The following LYN variants were observed in gnomAD, a reference collection of about 807,000 sequenced individuals.
LYN encodes tyrosine-protein kinase Lyn.
In LYN, 12 loss-of-function variants were observed where a neutral mutation model predicts 65.0. That is an observed-to-expected ratio of 0.18 (90% CI 0.12 to 0.30). The LOEUF is 0.30. Ranked by LOEUF, LYN falls within the 10% of genes least tolerant of loss-of-function variation. LYN has a pLI of 1.00. For synonymous variants in LYN, 222 were observed against 221.2 expected (o/e 1.00, Z -0.03); for missense variants, 380 against 623.2 (o/e 0.61, Z 4.16).
At chr8:55,991,313 TTCTC>T (rs1273438132) in intron 10 of LYN, among the ~76,000 whole-genome samples, 1 of 152,210 alleles carries the variant, frequency 6.6e-6, no homozygotes, top group Non-Finnish European at 1.5e-5. Context: ...AAGACCTTAC[TTCTC>T]TCTTTCTCTG....
intron 12 of LYN, among the ~76,000 whole-genome samples, chr8:56,008,876 T>G (rs1352925251): frequency 6.6e-6 from 1 of 152,148 alleles, no homozygotes; most frequent in Non-Finnish European, 1.5e-5. Flanking sequence ...GGTTCAGTTT[T>G]CCTCCTCAAT....
intron 1 of LYN, among the ~76,000 whole-genome samples, chr8:55,899,166 A>C (rs1324862969): frequency 6.6e-6 from 1 of 152,216 alleles, no homozygotes; most frequent in African/African-American, 2.4e-5. Context: ...TACCTTTCAC[A>C]GAAAATATAG....
chr8:55,912,411 T>G (rs902522304), intron 1 of LYN, among the ~76,000 whole-genome samples: 1 of 152,108 alleles, frequency 6.6e-6, no homozygotes, highest in Non-Finnish European at 1.5e-5. Flanking sequence ...GCTTAAGTAG[T>G]TTTTGAAATT....
At chr8:55,987,134 C>CA in intron 10 of LYN, among the ~76,000 whole-genome samples, 1 of 152,048 alleles carries the variant, frequency 6.6e-6, no homozygotes, top group Non-Finnish European at 1.5e-5. Context: ...CTTTTCTTGC[C>CA]AGGCGCTGTG....
chr8:55,927,339 C>G (rs1348150839), intron 1 of LYN, among the ~76,000 whole-genome samples: 6 of 152,146 alleles, frequency 3.9e-5, no homozygotes, highest in Non-Finnish European at 7.3e-5. Flanking sequence ...TGGAATCACA[C>G]AGTATGTAGC....
intron 1 of LYN, among the ~76,000 whole-genome samples, chr8:55,881,774 T>C (rs1267368043): frequency 6.6e-6 from 1 of 152,194 alleles, no homozygotes; most frequent in African/African-American, 2.4e-5. Context: ...CAGAGTTATA[T>C]TGATTTGTCT....
intron 1 of LYN, among the ~76,000 whole-genome samples, chr8:55,938,214 A>C (rs1488218196): frequency 6.6e-6 from 1 of 152,218 alleles, no homozygotes; most frequent in Non-Finnish European, 1.5e-5. Context: ...TTTGTAATCA[A>C]AAGGCTGCCT....
At chr8:55,945,943 C>T (rs1207567525) in intron 2 of LYN, among the ~76,000 whole-genome samples, 1 of 152,252 alleles carries the variant, frequency 6.6e-6, no homozygotes, top group Non-Finnish European at 1.5e-5. Context: ...CTTCCGTCTC[C>T]ATCCTGCTGC....
intron 1 of LYN, among the ~76,000 whole-genome samples, chr8:55,936,693 C>T (rs563977584): frequency 6.6e-6 from 1 of 152,240 alleles, no homozygotes; most frequent in Non-Finnish European, 1.5e-5. Context: ...GGAATAGATT[C>T]TAGGTTCTAC....
chr8:55,953,835 A>T lies in LYN; in HGVS notation c.641A>T (p.Gln214Leu). Residue 214 changes from glutamine (Q) to leucine (L), a missense_variant, in exon 8 of 13, where the codon CAG (glutamine) becomes CTG (leucine). By Grantham distance (113) the Gln-to-Leu change is moderately radical. Transcript: ENST00000519728. The part of the protein sequence containing the change: ...ISDMIKHYQK[Q>L]ADGLCRRLEK... Reference sequence around the variant, plus strand: ...TCATTTTTCCCTTTCAAATTAGAGCAGGCAGATGGCTTGTGCAGAAGATTG... The same window carrying T: ...TCATTTTTCCCTTTCAAATTAGAGCTGGCAGATGGCTTGTGCAGAAGATTG... The T allele has an allele frequency of 6.2e-7, 1 of 1,613,366 alleles. No homozygotes were observed. The highest frequency in any genetic ancestry group is 8.5e-7 in the Non-Finnish European group (1 of 1,179,776).
chr8:55,988,723 G>A (rs1472848260), intron 10 of LYN, among the ~76,000 whole-genome samples: 2 of 152,044 alleles, frequency 1.3e-5, no homozygotes, highest in Non-Finnish European at 2.9e-5. Flanking sequence ...TCTAAGACAG[G>A]TTGCGTTTTC....
intron 1 of LYN, among the ~76,000 whole-genome samples, chr8:55,933,508 T>C (rs1806328257): frequency 6.6e-6 from 1 of 152,372 alleles, no homozygotes; most frequent in African/African-American, 2.4e-5. Context: ...TTAAGAAGTG[T>C]GTACATTCTA....
rs748963497 is a variant in LYN, at chr8:55,999,592, G to A, written c.1336+43G>A. 6.3e-6 allele frequency: 10 copies of A among 1,591,540 alleles called. No individual in the cohort carries two copies. The South Asian group carries it at 1.0e-4, about 16-fold the overall frequency. On this transcript the variant is annotated intron_variant, in intron 12 of 12. Coordinates refer to ENST00000519728, the MANE Select transcript of LYN (RefSeq NM_002350.4). The stretch of plus-strand genomic sequence containing the variant: ...ATTTACAATCAAGCTGTATAAATGA[G>A]AAAAAGTCAGGTTGCATGAAGGCAT...
chr8:55,960,442 G>T (rs1807240843), intron 8 of LYN, among the ~76,000 whole-genome samples: 1 of 152,194 alleles, frequency 6.6e-6, no homozygotes, highest in South Asian at 2.1e-4. Flanking sequence ...TCTTTTGCTT[G>T]TAGGGACTGA....
chr8:55,957,712 G>A (rs1009212605), intron 8 of LYN, among the ~76,000 whole-genome samples: 5 of 152,194 alleles, frequency 3.3e-5, no homozygotes, highest in Non-Finnish European at 5.9e-5. Context: ...GGAGGCCGAG[G>A]CAGGTAGATC....
intron 9 of LYN, 80 bp from the exon 10 acceptor site, chr8:55,969,637 T>C: frequency 2.0e-6 from 2 of 1,022,006 alleles, no homozygotes; most frequent in Non-Finnish European, 3.1e-6. Context: ...TCCCCTGTAA[T>C]AGTAATGATG....
intron 10 of LYN, among the ~76,000 whole-genome samples, chr8:55,979,294 G>C (rs976561914): frequency 1.3e-5 from 2 of 151,952 alleles, no homozygotes; most frequent in Non-Finnish European, 2.9e-5. Context: ...CACCCGCCTC[G>C]GCCTCCCAAA....
At chr8:55,884,924 C>T (rs766878182) in intron 1 of LYN, among the ~76,000 whole-genome samples, 1 of 152,164 alleles carries the variant, frequency 6.6e-6, no homozygotes, top group Non-Finnish European at 1.5e-5. Flanking sequence ...TCCTTATTTG[C>T]CACAGAGCTA....
At position 55,897,792 on chromosome 8, in the gene LYN, AT is replaced by A. The variant is rs141207667; in HGVS notation, c.-6+17691del. On this transcript the variant is annotated intron_variant, in intron 1 of 12. Transcript: ENST00000519728. ...GCCAAGAGTGGTGGCATGGGCCTGTATTCCCAGCTACTCAGGAGGCTGAGTT... is the reference window on the plus strand; with the variant it reads ...GCCAAGAGTGGTGGCATGGGCCTGTATCCCAGCTACTCAGGAGGCTGAGTT... Among the ~76,000 whole-genome samples the A allele has an allele frequency of 7.4e-4, 112 of 152,178 alleles. 1 individual carries two copies. The highest frequency in any genetic ancestry group is 2.6e-3 in the African/African-American group (106 of 41,508).
Sources: gnomAD v4.1 joint callset for allele counts (sites outside exome capture counted in the v4.1 genomes callset) on GRCh38, gnomAD v4.1.1 for gene constraint, MANE v1.5 for transcripts, NCBI Gene and HGNC (gene_info 2026-07-23, HGNC 2026-07-21) for gene names.